PFDN4: variants seen among roughly 807,000 people sequenced by gnomAD.
PFDN4 encodes prefoldin subunit 4, also known as prefoldin 4.
Under a neutral mutation model 17.6 loss-of-function variants are expected in PFDN4, and 6 were observed. The ratio of observed to expected loss-of-function variants is 0.34; its 90% CI spans 0.19 to 0.67. PFDN4 has a LOEUF of 0.67. PFDN4 is among the 30% of genes least tolerant of loss of function. The probability of loss-of-function intolerance (pLI) is 0.68; values close to 1 mark genes in which losing one functional copy is unlikely to be tolerated. For missense variants in PFDN4, 119 were observed against 158.4 expected (o/e 0.75, Z 1.33); for synonymous variants, 48 against 51.1 (o/e 0.94, Z 0.26).
Position 54,216,648 on chromosome 20 carries a change from A to AT in PFDN4, c.273+1211dup, listed in dbSNP as rs547939783. ...AGCTACTGAACTTTTATTTTATTTT[A>AT]TTTATTTATTTATTTATTTATTTTT... On this transcript the variant is annotated intron_variant, in intron 3 of 3. Coordinates refer to ENST00000371419, the MANE Select transcript of PFDN4 (RefSeq NM_002623.4). 8.3e-3 allele frequency among the ~76,000 whole-genome samples: 1,241 copies of AT among 149,608 alleles called. 13 individuals carry two copies. Among genetic ancestry groups the AT allele is most frequent in the African/African-American group, 0.029 (1,182 of 40,852 alleles).
At position 54,216,782 on chromosome 20, in the gene PFDN4, G is replaced by A. The variant is rs914516758; in HGVS notation, c.273+1342G>A. On this transcript the variant is annotated intron_variant, in intron 3 of 3. Transcript: ENST00000371419. ...AACAATTCTCCTGCCTCAGCCTCCC[G>A]AGTAGCTGGGATTACAGGCGCCCAC... is the stretch of plus-strand genomic sequence containing the variant. Among the ~76,000 whole-genome samples the A allele has an allele frequency of 2.0e-5, 3 of 151,708 alleles. No individual in the cohort carries two copies. In the East Asian group the frequency reaches 5.8e-4, roughly 29 times the overall value.
chr20:54,214,249 A>G (rs561699966), intron 1 of PFDN4, 102 bp from the exon 2 acceptor site: 2 of 665,938 alleles, frequency 3.0e-6, no homozygotes, highest in East Asian at 2.8e-5. Flanking sequence ...ATTCTTGACT[A>G]TATGAGTGCA....
rs2092761109 is a variant in PFDN4, at chr20:54,215,291, C to G, written c.133-9C>G. ...TGAGTACATTTTCTTTGCCATTTTG[C>G]ATTTATAGAAACAACTCCAAAACCT... is the stretch of plus-strand genomic sequence containing the variant. On this transcript the variant is annotated splice_polypyrimidine_tract_variant and intron_variant, in intron 2 of 3. Coordinates refer to ENST00000371419, the MANE Select transcript of PFDN4 (RefSeq NM_002623.4). The G allele has an allele frequency of 6.4e-7, 1 of 1,552,450 alleles. No individual in the cohort carries two copies. Among genetic ancestry groups the G allele is most frequent in the Non-Finnish European group, 8.7e-7 (1 of 1,145,008 alleles).
intron 2 of PFDN4, among the ~76,000 whole-genome samples, chr20:54,215,002 G>A (rs1468555070): frequency 6.6e-6 from 1 of 152,130 alleles, no homozygotes; most frequent in East Asian, 1.9e-4. Context: ...TTTTGTTTTT[G>A]TAGGAAGGCA....
intron 3 of PFDN4, among the ~76,000 whole-genome samples, chr20:54,216,980 CA>C (rs1555805893): frequency 4.6e-5 from 7 of 152,098 alleles, no homozygotes; most frequent in Non-Finnish European, 1.0e-4. Context: ...TTTTTTTACT[CA>C]TTCTAGAATT....
chr20:54,219,171 T>A lies in PFDN4; in HGVS notation c.*21T>A. 2.2e-6 allele frequency: 3 copies of A among 1,357,958 alleles called. No homozygotes were observed. Among genetic ancestry groups the A allele is most frequent in the East Asian group, 2.7e-5 (1 of 37,168 alleles). The allele number at this position is 1,357,958 out of a possible 1,614,324, so 84.1% of individuals were successfully genotyped here. ...GTTAAACATTTTATAATACTTTTTT[T>A]ATTTGTTTAATAAACTTGAATATTG... On this transcript the variant is annotated 3_prime_UTR_variant, in exon 4 of 4. Transcript: ENST00000371419.
Sources: allele counts gnomAD v4.1 joint callset (sites outside exome capture counted in the v4.1 genomes callset), GRCh38; gene constraint gnomAD v4.1.1; transcripts MANE v1.5; gene names NCBI Gene and HGNC (gene_info 2026-07-23, HGNC 2026-07-21).